The following VIPAS39 variants were observed in gnomAD, a reference collection of about 807,000 sequenced individuals.
VIPAS39 encodes the protein spermatogenesis-defective protein 39 homolog.
VIPAS39 carries 63 observed loss-of-function variants against 84.7 expected under a neutral mutation model. The ratio of observed to expected loss-of-function variants is 0.74; its 90% CI spans 0.61 to 0.92. VIPAS39 has a LOEUF of 0.92. Ranked by LOEUF, VIPAS39 falls within the 40% of genes least tolerant of loss-of-function variation. The pLI is 0.00. For synonymous variants in VIPAS39, 192 were observed against 216.5 expected, an observed-to-expected ratio of 0.89 and a Z score of 0.99; for missense variants, 499 against 604.5, an observed-to-expected ratio of 0.83 and a Z score of 1.83.
intron 4 of VIPAS39, among the ~76,000 whole-genome samples, chr14:77,450,922 A>T (rs1324355773): frequency 6.6e-6 from 1 of 152,178 alleles, no homozygotes; most frequent in Non-Finnish European, 1.5e-5. Flanking sequence ...ATGCACAAGG[A>T]GTAGGGAGGA....
Position 77,429,716 on chromosome 14 carries a change from C to A in VIPAS39, c.1231G>T (p.Val411Phe), listed in dbSNP as rs1443237042. The change falls in exon 17 of 20, where the codon GTC (valine) becomes TTC (phenylalanine). Residue 411 changes from valine to phenylalanine, a missense_variant. Coordinates refer to ENST00000557658, the MANE Select transcript of VIPAS39 (RefSeq NM_001193315.2). ...KRAPIGFHRV[V>F]EILHKNNAPV... is the part of the protein sequence containing the mutation. ...GCATTGTTCTTGTGCAAAATTTCGA[C>A]AACCCGATGGAAGCCAATGGGTGCT... is the stretch of plus-strand genomic sequence containing the variant. 1.9e-6 allele frequency: 3 copies of A among 1,614,074 alleles called. No individual in the cohort carries two copies. The highest frequency in any genetic ancestry group is 2.5e-6 in the Non-Finnish European group (3 of 1,180,036).
chr14:77,431,665 C>T (rs2078525303), intron 16 of VIPAS39, among the ~76,000 whole-genome samples: 1 of 151,886 alleles, frequency 6.6e-6, no homozygotes, highest in Non-Finnish European at 1.5e-5. Flanking sequence ...GTGAGACCCT[C>T]TCTCAAAAAA....
rs906923577 is a variant in VIPAS39 at position 77,426,883 on chromosome 14, A to G, written c.*733T>C. 4 of 152,234 alleles carry G rather than the reference A, an allele frequency of 2.6e-5. No homozygotes were observed. The highest frequency in any genetic ancestry group is 2.9e-5 in the Non-Finnish European group (2 of 68,054). 9.4% of individuals were successfully genotyped at this position (152,234 alleles called of 1,614,324 possible). ...TCCTGGTGAAATGAGATTTTTGCAT[A>G]AAGAGAGAGCTCTCCAGCACTGCTG... On this transcript the variant is annotated 3_prime_UTR_variant, in exon 20 of 20. Coordinates refer to ENST00000557658, the MANE Select transcript of VIPAS39 (RefSeq NM_001193315.2).
In VIPAS39 at chr14:77,449,201, T is replaced by C. The variant is rs1379340021; in HGVS notation, c.447+92A>G. ...TATAAAACAGGGTTAAAAAAATATC[T>C]ACTCAAATAGTTGGGAAAATCAAGC... On this transcript the variant is annotated intron_variant, in intron 6 of 19. Transcript: ENST00000557658. 6 of 1,375,374 alleles carry C rather than the reference T, an allele frequency of 4.4e-6. No homozygotes were observed. In the African/African-American group the frequency reaches 8.6e-5, roughly 20 times the overall value. The allele number at this position is 1,375,374 out of a possible 1,614,324, so 85.2% of individuals were successfully genotyped here. A position where few individuals can be genotyped will look rare whatever the true frequency, so the allele number is the denominator to read the frequency against.
At chr14:77,445,469 C>G (rs545895307) in intron 7 of VIPAS39, among the ~76,000 whole-genome samples, 2 of 151,200 alleles carry the variant, frequency 1.3e-5, no homozygotes, top group African/African-American at 2.4e-5. Flanking sequence ...ATTGCCCAGG[C>G]TGGAGTGCAG....
chr14:77,445,184 C>T (rs946265433), intron 7 of VIPAS39, among the ~76,000 whole-genome samples: 2 of 152,028 alleles, frequency 1.3e-5, no homozygotes, highest in African/African-American at 4.8e-5. Flanking sequence ...TGGTCTTGAT[C>T]TCCTGACCCC....
At chr14:77,449,450 T>A in intron 5 of VIPAS39, 93 bp from the exon 6 acceptor site, 1 of 1,504,016 alleles carries the variant, frequency 6.6e-7, no homozygotes, top group Non-Finnish European at 9.2e-7. Context: ...TTTTTTTGAC[T>A]TGTGGGCTCC....
intron 10 of VIPAS39, among the ~76,000 whole-genome samples, chr14:77,441,881 A>C (rs1446912638): frequency 6.6e-6 from 1 of 152,198 alleles, no homozygotes; most frequent in East Asian, 1.9e-4. Context: ...AAGGTGGGAA[A>C]TAGTCCCCAC....
chr14:77,456,480 T>G (rs1425499930), intron 1 of VIPAS39, among the ~76,000 whole-genome samples: 1 of 152,202 alleles, frequency 6.6e-6, no homozygotes, highest in Non-Finnish European at 1.5e-5. Context: ...AGAACAATCT[T>G]GTAAGGTAGG....
At chr14:77,435,622 G>C (rs988255649) in intron 13 of VIPAS39, among the ~76,000 whole-genome samples, 11 of 152,160 alleles carry the variant, frequency 7.2e-5, no homozygotes, top group African/African-American at 2.7e-4. Flanking sequence ...GGACATGGGA[G>C]ATTCGGGATG....
rs143776580 is a variant in VIPAS39, at chr14:77,446,187, T to C, written c.505-1846A>G. ...TCAAGATCATAAAGATTTTCGTCTA[T>C]ATTTTCTTCTAGAAGTTTTATAGCT... On this transcript the variant is annotated intron_variant, in intron 7 of 19. Coordinates refer to ENST00000557658, the MANE Select transcript of VIPAS39 (RefSeq NM_001193315.2). 1.4e-3 allele frequency among the ~76,000 whole-genome samples: 216 copies of C among 152,350 alleles called. 1 individual carries two copies. Among genetic ancestry groups the C allele is most frequent in the African/African-American group, 4.9e-3 (205 of 41,578 alleles).
At chr14:77,450,036 C>T (rs1389410250) in intron 4 of VIPAS39, among the ~76,000 whole-genome samples, 1 of 152,060 alleles carries the variant, frequency 6.6e-6, no homozygotes, top group Admixed American at 6.6e-5. Context: ...GTTGTACAAC[C>T]ATCACCACTA....
chr14:77,438,592 C>T (rs1211335160), intron 11 of VIPAS39, among the ~76,000 whole-genome samples: 1 of 152,210 alleles, frequency 6.6e-6, no homozygotes, highest in East Asian at 1.9e-4. Context: ...TATAATGAAG[C>T]ACTGAGTAGA....
chr14:77,428,933 G>A (rs963794422), intron 18 of VIPAS39, 73 bp downstream of exon 18: 1 of 1,376,482 alleles, frequency 7.3e-7, no homozygotes, highest in East Asian at 2.3e-5. Flanking sequence ...ATCTTGGACA[G>A]AGAATATTAT....
At position 77,433,903 on chromosome 14, in the gene VIPAS39, G is replaced by A; in HGVS notation, c.1118C>T (p.Ala373Val). ...KIPDKQYVLT[A>V]LAARAKLRAW... ...TCGAAGCTTGGCACGAGCAGCCAGG[G>A]CTGTCAGCACATACTGTTTATCTGG... Residue 373 changes from alanine to valine, a missense_variant, in exon 16 of 20, where the codon GCC becomes GTC. Ala to Val is a moderately conservative substitution (Grantham distance 64). Transcript: ENST00000557658. 1 of 1,614,032 alleles carries A rather than the reference G, an allele frequency of 6.2e-7. No individual in the cohort carries two copies. Among genetic ancestry groups the A allele is most frequent in the Non-Finnish European group, 8.5e-7 (1 of 1,179,958 alleles).
intron 17 of VIPAS39, among the ~76,000 whole-genome samples, 176 bp downstream of exon 17, chr14:77,429,505 G>T (rs1473545224): frequency 6.6e-6 from 1 of 151,892 alleles, no homozygotes; most frequent in East Asian, 1.9e-4. Flanking sequence ...TTCTAAAGGG[G>T]AGAAAGGGAG....
intron 7 of VIPAS39, among the ~76,000 whole-genome samples, chr14:77,445,937 C>T (rs1337503444): frequency 7.9e-6 from 1 of 127,248 alleles, no homozygotes; most frequent in Non-Finnish European, 1.7e-5. Flanking sequence ...GAGACTCCAT[C>T]TCAAAAAAAA....
chr14:77,433,387 G>T (rs530016621), intron 16 of VIPAS39, among the ~76,000 whole-genome samples: 9 of 152,242 alleles, frequency 5.9e-5, no homozygotes, highest in African/African-American at 2.2e-4. Flanking sequence ...TTTCAGTAGA[G>T]ACGGGGTTTC....
Position 77,435,276 on chromosome 14 carries a change from G to C in VIPAS39, c.1030C>G (p.His344Asp). ...GCCTGTACCTCAGCCTCTGTGTAGT[G>C]ATAGAAGCAGGAGTAGAAAAGTGTT... ...VTTLFYSCFY[H>D]YTEAEGTFSS... Residue 344 changes from histidine to aspartate, a missense_variant, in exon 14 of 20, where the codon CAC becomes GAC. His to Asp is a moderately conservative substitution (Grantham distance 81). Transcript: ENST00000557658. 1 of 1,614,174 alleles carries C rather than the reference G, an allele frequency of 6.2e-7. No homozygotes were observed. Among genetic ancestry groups the C allele is most frequent in the Non-Finnish European group, 8.5e-7 (1 of 1,180,028 alleles).
Sources: allele counts gnomAD v4.1 joint callset (sites outside exome capture counted in the v4.1 genomes callset), GRCh38; gene constraint gnomAD v4.1.1; transcripts MANE v1.5; gene names NCBI Gene and HGNC (gene_info 2026-07-23, HGNC 2026-07-21).